The following PHEX variants were observed in gnomAD, a reference collection of about 807,000 sequenced individuals.
The protein encoded by PHEX is phosphate-regulating neutral endopeptidase PHEX.
A neutral mutation model predicts 68.0 loss-of-function variants in PHEX; 16 were observed. The observed-to-expected ratio is 0.24, with a 90% confidence interval of 0.16 to 0.36. The LOEUF (loss-of-function observed/expected upper bound fraction) is 0.36. PHEX is among the 10% of genes least tolerant of loss of function. The probability of loss-of-function intolerance (pLI) is 1.00; values close to 1 mark genes in which losing one functional copy is unlikely to be tolerated. For missense variants in PHEX, 480 were observed against 575.5 expected, an observed-to-expected ratio of 0.83 and a Z score of 1.70; for synonymous variants, 208 against 205.1, an observed-to-expected ratio of 1.01 and a Z score of -0.12.
At chrX:22,218,916 AT>A in intron 16 of PHEX, 119 bp from the exon 17 acceptor site, 1 of 527,382 alleles carries the variant, frequency 1.9e-6, no homozygotes, top group African/African-American at 2.3e-5. Flanking sequence ...TGGTTATTCG[AT>A]TGTTATTACC....
chrX:22,159,489 G>C (rs60011358), intron 12 of PHEX, among the ~76,000 whole-genome samples: 5,802 of 109,379 alleles, frequency 0.053, 366 homozygotes, highest in African/African-American at 0.19. Flanking sequence ...TCCACAAAAA[G>C]GAAAACAACA....
chrX:22,037,144 T>C (rs2146978206), intron 1 of PHEX, among the ~76,000 whole-genome samples: 1 of 109,252 alleles, frequency 9.2e-6, no homozygotes, highest in East Asian at 2.8e-4. Flanking sequence ...ATCGGCAGTT[T>C]TCTTGAATCT....
intron 20 of PHEX, among the ~76,000 whole-genome samples, chrX:22,234,624 CTCAAGT>C (rs770152136): frequency 2.9e-3 from 321 of 109,956 alleles, no homozygotes; most frequent in Middle Eastern, 0.019. Flanking sequence ...CCCCCCCAAG[CTCAAGT>C]GTCCCAGGTC....
chrX:22,248,934 AGT>A lies in PHEX; in HGVS notation c.*983_*984del, dbSNP rs1936472529. The A allele has an allele frequency of 1.8e-5, 2 of 110,543 alleles. No homozygotes were observed. Among genetic ancestry groups the A allele is most frequent in the Non-Finnish European group, 3.8e-5 (2 of 52,760 alleles). 9.1% of individuals were successfully genotyped at this position (110,543 alleles called of 1,213,427 possible). A position where few individuals can be genotyped will look rare whatever the true frequency, so the allele number is the denominator to read the frequency against. On this transcript the variant is annotated 3_prime_UTR_variant, in exon 22 of 22. Coordinates refer to ENST00000379374, the MANE Select transcript of PHEX (RefSeq NM_000444.6). ...GAACATATGATTTTCATTTCCCTTT[AGT>A]GCAAAGGAACAAACATCACATTGAG...
intron 12 of PHEX, 36 bp downstream of exon 12, chrX:22,133,660 T>C: frequency 1.0e-6 from 1 of 993,649 alleles, no homozygotes; most frequent in Non-Finnish European, 1.4e-6. Flanking sequence ...AAATAAGACT[T>C]CTGGTTTAAT....
intron 12 of PHEX, among the ~76,000 whole-genome samples, chrX:22,144,349 A>G (rs983412051): frequency 2.7e-5 from 3 of 111,846 alleles, no homozygotes; most frequent in African/African-American, 9.7e-5. Context: ...GAGGTACAAA[A>G]TAGAATTTTA....
At chrX:22,215,927 T>G (rs931704945) in intron 16 of PHEX, among the ~76,000 whole-genome samples, 2 of 111,631 alleles carry the variant, frequency 1.8e-5, no homozygotes, top group African/African-American at 6.5e-5. Flanking sequence ...TAGAACGACT[T>G]ATTATATTCA....
At chrX:22,081,462 GT>G (rs1276336828) in intron 5 of PHEX, among the ~76,000 whole-genome samples, 1 of 111,396 alleles carries the variant, frequency 9.0e-6, no homozygotes, top group East Asian at 2.8e-4. Flanking sequence ...CCTCAATGTC[GT>G]TAGGCTTCCT....
intron 11 of PHEX, among the ~76,000 whole-genome samples, chrX:22,117,605 GT>G (rs1371286336): frequency 9.0e-6 from 1 of 111,521 alleles, no homozygotes; most frequent in Non-Finnish European, 1.9e-5. Flanking sequence ...ATTATAGCAG[GT>G]TTTTTGGCAG....
intron 21 of PHEX, among the ~76,000 whole-genome samples, chrX:22,247,572 GTTAGAAAAACT>G (rs1483826949): frequency 8.9e-6 from 1 of 112,239 alleles, no homozygotes; most frequent in Non-Finnish European, 1.9e-5. Context: ...TTTTTAAAAA[GTTAGAAAAACT>G]AATATTGGTG....
intron 20 of PHEX, among the ~76,000 whole-genome samples, chrX:22,234,990 G>T (rs1002586607): frequency 2.7e-5 from 3 of 111,857 alleles, no homozygotes; most frequent in African/African-American, 9.7e-5. Context: ...CTCCTGTTCT[G>T]CAGGTTGCGA....
intron 18 of PHEX, among the ~76,000 whole-genome samples, chrX:22,225,654 T>C (rs545577362): frequency 2.7e-5 from 3 of 112,507 alleles, no homozygotes; most frequent in African/African-American, 9.7e-5. Flanking sequence ...GAATTTCATA[T>C]AAGTAATTTT....
At chrX:22,098,734 GTA>G (rs749486003) in intron 8 of PHEX, among the ~76,000 whole-genome samples, 57 of 90,555 alleles carry the variant, frequency 6.3e-4, no homozygotes, top group African/African-American at 2.4e-3. Context: ...GGAGGCAGAG[GTA>G]ACAGTGAGCC....
chrX:22,227,460 A>T, intron 19 of PHEX, 47 bp from the exon 20 acceptor site: 1 of 930,633 alleles, frequency 1.1e-6, no homozygotes, highest in Non-Finnish European at 1.6e-6. Context: ...GAGCAAAGAG[A>T]AAAACCCACC....
chrX:22,129,172 A>C (rs769321764), intron 11 of PHEX, among the ~76,000 whole-genome samples: 3 of 111,363 alleles, frequency 2.7e-5, no homozygotes, highest in African/African-American at 9.8e-5. Flanking sequence ...GAGATGCTGG[A>C]CAAACGAAGG....
chrX:22,164,888 T>C (rs2147115200), intron 12 of PHEX, among the ~76,000 whole-genome samples: 1 of 112,146 alleles, frequency 8.9e-6, no homozygotes, highest in East Asian at 2.8e-4. Context: ...GCTATCTGGG[T>C]CACATCAAGC....
At chrX:22,061,872 T>C (rs763069032) in intron 3 of PHEX, among the ~76,000 whole-genome samples, 11 of 111,636 alleles carry the variant, frequency 9.9e-5, no homozygotes, top group Non-Finnish European at 2.1e-4. Context: ...GAAATACCTG[T>C]GACTGGGTAA....
At chrX:22,051,004 G>A (rs925979338) in intron 3 of PHEX, among the ~76,000 whole-genome samples, 11 of 111,580 alleles carry the variant, frequency 9.9e-5, no homozygotes, top group African/African-American at 2.3e-4. Flanking sequence ...TAGGTTTGTC[G>A]AATTCTGTTA....
chrX:22,040,544 A>C (rs1927227273), intron 2 of PHEX, among the ~76,000 whole-genome samples: 1 of 112,160 alleles, frequency 8.9e-6, no homozygotes, highest in African/African-American at 3.2e-5. Flanking sequence ...ATGTGATAGC[A>C]AGTGACAGGA....
Sources: gnomAD v4.1 joint callset for allele counts (sites outside exome capture counted in the v4.1 genomes callset) on GRCh38, gnomAD v4.1.1 for gene constraint, MANE v1.5 for transcripts, NCBI Gene and HGNC (gene_info 2026-07-23, HGNC 2026-07-21) for gene names.